Variants in UQCRC1 observed in about 807,000 individuals in gnomAD.
The protein encoded by UQCRC1 is cytochrome b-c1 complex subunit 1, mitochondrial.
A neutral mutation model predicts 58.0 loss-of-function variants in UQCRC1; 34 were observed. The ratio of observed to expected loss-of-function variants is 0.59; its 90% confidence interval spans 0.45 to 0.78. The LOEUF (loss-of-function observed/expected upper bound fraction) is 0.78. Ranked by LOEUF, UQCRC1 falls within the 30% of genes least tolerant of loss-of-function variation. The pLI is 0.00. For missense variants in UQCRC1, 610 were observed against 646.0 expected, an observed-to-expected ratio of 0.94 and a Z score of 0.60; for synonymous variants, 276 against 248.8, an observed-to-expected ratio of 1.11 and a Z score of -1.03.
intron 12 of UQCRC1, 67 bp from the exon 13 acceptor site, chr3:48,599,259 C>T (rs555105971): frequency 7.4e-6 from 11 of 1,491,800 alleles, no homozygotes; most frequent in Admixed American, 2.1e-5. Context: ...GGCCCTGTGC[C>T]GCACCCAGCT....
In UQCRC1 at chr3:48,609,412, C is replaced by A. The variant is rs1020348016; in HGVS notation, c.70-110G>T. On this transcript the variant is annotated intron_variant, in intron 1 of 12. Coordinates refer to ENST00000203407, the MANE Select transcript of UQCRC1 (RefSeq NM_003365.3). ...CGCCCCTAGGCAAGCGGCGAGATAC[C>A]TTTCCCCGCCCTCCGCCGTGACCTT... 4.0e-6 allele frequency: 6 copies of A among 1,513,144 alleles called. No homozygotes were observed. The African/African-American group carries it at 6.9e-5, about 17-fold the overall frequency. The allele number at this position is 1,513,144 out of a possible 1,614,324, so 93.7% of individuals were successfully genotyped here. A position where few individuals can be genotyped will look rare whatever the true frequency, so the allele number is the denominator to read the frequency against.
At chr3:48,599,806 A>G in intron 11 of UQCRC1, 96 bp from the exon 12 acceptor site, 2 of 1,337,938 alleles carry the variant, frequency 1.5e-6, no homozygotes, top group Non-Finnish European at 2.1e-6. Flanking sequence ...TCCCACAGGC[A>G]GCATGCAGCT....
intron 3 of UQCRC1, 27 bp from the exon 4 acceptor site, chr3:48,604,807 T>C (rs1428139286): frequency 1.2e-6 from 2 of 1,613,020 alleles, no homozygotes; most frequent in Non-Finnish European, 1.7e-6. Context: ...ACCAGAACAA[T>C]CAGGAGCTAC....
chr3:48,608,119 G>A (rs940749708), intron 2 of UQCRC1, among the ~76,000 whole-genome samples: 1 of 152,166 alleles, frequency 6.6e-6, no homozygotes, highest in African/African-American at 2.4e-5. Flanking sequence ...TCCAGGCCTG[G>A]ACCCATTAAG....
Position 48,605,769 on chromosome 3 carries a change from C to T in UQCRC1, c.297+1G>A. 1 of 1,613,422 alleles carries T rather than the reference C, an allele frequency of 6.2e-7. No homozygotes were observed. Among genetic ancestry groups the T allele is most frequent in the Non-Finnish European group, 8.5e-7 (1 of 1,179,728 alleles). ...GAGGAGACAGACTTTAAGAGCCTCA[C>T]CTTGAAAGCCAGATGCTCCAAAAAG... On this transcript the variant is annotated splice_donor_variant, in intron 3 of 12. Coordinates refer to ENST00000203407, the MANE Select transcript of UQCRC1 (RefSeq NM_003365.3). LOFTEE classifies it high-confidence loss of function.
intron 6 of UQCRC1, among the ~76,000 whole-genome samples, chr3:48,603,291 C>A (rs1559456576): frequency 6.6e-6 from 1 of 152,196 alleles, no homozygotes. Context: ...CATCCCCTAC[C>A]AGCCCATGAA....
intron 6 of UQCRC1, among the ~76,000 whole-genome samples, chr3:48,602,528 T>G (rs900067896): frequency 2.6e-5 from 4 of 151,186 alleles, no homozygotes; most frequent in Admixed American, 1.3e-4. Flanking sequence ...TGTTTGTTTT[T>G]TTTTTTTTTT....
Position 48,599,641 on chromosome 3 carries a change from C to T in UQCRC1, c.1372G>A (p.Gly458Arg). The T allele has an allele frequency of 6.2e-7, 1 of 1,613,896 alleles. No individual in the cohort carries two copies. Among genetic ancestry groups the T allele is most frequent in the Non-Finnish European group, 8.5e-7 (1 of 1,179,942 alleles). The change falls in exon 12 of 13, where the codon GGA becomes AGA. Residue 458 changes from glycine to arginine, a missense_variant. Physicochemically the swap from Gly to Arg is moderately radical, Grantham distance 125 (BLOSUM62 -2). Transcript: ENST00000203407. ...GACCCCCTAGGCCACTTACCATATCCAGCCACTGCTGGGCACTGGTCATAG... is the reference window on the plus strand; with the variant it reads ...GACCCCCTAGGCCACTTACCATATCTAGCCACTGCTGGGCACTGGTCATAG... ...YIYDQCPAVA[G>R]YGPIEQLPDY... is the part of the protein sequence containing the mutation.
intron 2 of UQCRC1, among the ~76,000 whole-genome samples, chr3:48,608,205 C>T (rs956945315): frequency 6.6e-6 from 1 of 152,192 alleles, no homozygotes; most frequent in African/African-American, 2.4e-5. Context: ...TCTGTATGTA[C>T]GTATTTTTTA....
chr3:48,602,354 G>A (rs952848980), intron 6 of UQCRC1, among the ~76,000 whole-genome samples: 2 of 150,986 alleles, frequency 1.3e-5, no homozygotes, highest in African/African-American at 2.4e-5. Flanking sequence ...CCCGGCCTGC[G>A]TTGGCCTTTC....
chr3:48,603,446 A>G (rs1248643841), intron 6 of UQCRC1, 118 bp downstream of exon 6: 2 of 937,738 alleles, frequency 2.1e-6, no homozygotes, highest in Non-Finnish European at 3.3e-6. Flanking sequence ...CCTCAAGGTT[A>G]GGGTGGGAGC....
chr3:48,605,734 C>T, intron 3 of UQCRC1, 36 bp downstream of exon 3: 2 of 1,602,088 alleles, frequency 1.2e-6, no homozygotes, highest in Non-Finnish European at 1.7e-6. Flanking sequence ...AACAGGCAGC[C>T]CTAAGCCCAG....
At chr3:48,603,794 C>G (rs2046387529) in intron 5 of UQCRC1, 151 bp from the exon 6 acceptor site, 2 of 754,592 alleles carry the variant, frequency 2.7e-6, no homozygotes, top group African/African-American at 3.4e-5. Flanking sequence ...CTTCCCCTGT[C>G]TCTGCCACCC....
Position 48,600,497 on chromosome 3 carries a change from C to T in UQCRC1, c.1198G>A (p.Val400Ile), listed in dbSNP as rs561584985. ...RGKNILRNAL[V>I]SHLDGTTPVC... ...TAGGACTCACCATCTAGATGAGATA[C>T]CAGGGCATTTCTGAGGATGTTTTTG... Residue 400 changes from valine (V) to isoleucine (I), a missense_variant, in exon 10 of 13, where the codon GTA becomes ATA. Coordinates refer to ENST00000203407, the MANE Select transcript of UQCRC1 (RefSeq NM_003365.3). 22 of 1,614,158 alleles carry T rather than the reference C, an allele frequency of 1.4e-5. No individual in the cohort carries two copies. In the African/African-American group the frequency reaches 2.3e-4, roughly 17 times the overall value.
intron 5 of UQCRC1, 76 bp from the exon 6 acceptor site, chr3:48,603,719 G>T: frequency 7.4e-7 from 1 of 1,344,002 alleles, no homozygotes; most frequent in South Asian, 1.2e-5. Context: ...GAATGGGACT[G>T]AGGAGGCAGA....
chr3:48,604,543 CA>C (rs956673675), intron 4 of UQCRC1, 107 bp downstream of exon 4: 46 of 1,587,000 alleles, frequency 2.9e-5, no homozygotes, highest in Non-Finnish European at 3.8e-5. Context: ...TGCCCAGCTG[CA>C]AAGCCATACG....
In UQCRC1 at chr3:48,604,798, C is replaced by T. The variant is rs770525550; in HGVS notation, c.298-18G>A. On this transcript the variant is annotated intron_variant, in intron 3 of 12. Coordinates refer to ENST00000203407, the MANE Select transcript of UQCRC1 (RefSeq NM_003365.3). The stretch of plus-strand genomic sequence containing the variant: ...TTTGTTCCCTGGAACCAGATATCAA[C>T]CAGAACAATCAGGAGCTACACAGGA... 10 of 1,613,548 alleles carry T rather than the reference C, an allele frequency of 6.2e-6. No homozygotes were observed. In the African/African-American group the frequency reaches 8.0e-5, roughly 13 times the overall value.
chr3:48,606,385 CCAAA>C (rs2046412960), intron 2 of UQCRC1, among the ~76,000 whole-genome samples: 3 of 152,142 alleles, frequency 2.0e-5, no homozygotes, highest in South Asian at 2.1e-4. Flanking sequence ...GCTCTGAACA[CCAAA>C]CAGTGTTGCC....
intron 7 of UQCRC1, 72 bp downstream of exon 7, chr3:48,601,280 G>A (rs2046362865): frequency 3.2e-6 from 5 of 1,579,020 alleles, no homozygotes; most frequent in African/African-American, 1.3e-5. Flanking sequence ...GAGTCACCAG[G>A]ATAACCATGC....
Sources: gnomAD v4.1 joint callset for allele counts (sites outside exome capture counted in the v4.1 genomes callset) on GRCh38, gnomAD v4.1.1 for gene constraint, MANE v1.5 for transcripts, NCBI Gene and HGNC (gene_info 2026-07-23, HGNC 2026-07-21) for gene names.